The following SCEL variants were observed in gnomAD, a reference collection of about 807,000 sequenced individuals.
The protein encoded by SCEL is sciellin.
Under a neutral mutation model 117.6 loss-of-function variants are expected in SCEL, and 113 were observed. That is an observed-to-expected ratio of 0.96 (90% CI 0.83 to 1.12). SCEL has a LOEUF of 1.12. Among genes scored for constraint, SCEL ranks in the 50% most tolerant of loss-of-function variants. The pLI is 0.00. For missense variants in SCEL, 785 were observed against 810.8 expected (o/e 0.97, Z 0.39); for synonymous variants, 270 against 256.2 (o/e 1.05, Z -0.51).
chr13:77,551,550 G>A (rs2084323633), intron 1 of SCEL, among the ~76,000 whole-genome samples: 1 of 152,136 alleles, frequency 6.6e-6, no homozygotes, highest in African/African-American at 2.4e-5. Context: ...TTGGCCTGCA[G>A]ATGGCCACCT....
intron 1 of SCEL, among the ~76,000 whole-genome samples, chr13:77,542,495 C>T (rs1288938715): frequency 1.3e-5 from 2 of 152,174 alleles, no homozygotes; most frequent in Admixed American, 6.5e-5. Context: ...CTTGTTTCAC[C>T]AGCAGTAAAC....
In SCEL at chr13:77,569,441, A is replaced by G; in HGVS notation, c.469A>G (p.Lys157Glu). The part of the protein sequence containing the change: ...IASTSATTPV[K>E]KKRQSWFPPP... ...ATCCACTTCTGCTACTACTCCTGTA[A>G]AGAAGAAGAGGTAGGATGAACTCAC... The change falls in exon 8 of 33, where the codon AAG (lysine) becomes GAG (glutamate). Residue 157 changes from lysine to glutamate, a missense_variant. Coordinates refer to ENST00000349847, the MANE Select transcript of SCEL (RefSeq NM_144777.3). 6.2e-7 allele frequency: 1 copy of G among 1,612,538 alleles called. No individual in the cohort carries two copies. Among genetic ancestry groups the G allele is most frequent in the Non-Finnish European group, 8.5e-7 (1 of 1,178,590 alleles).
chr13:77,537,872 T>C (rs917628465), intron 1 of SCEL, among the ~76,000 whole-genome samples: 1 of 152,186 alleles, frequency 6.6e-6, no homozygotes, highest in Non-Finnish European at 1.5e-5. Flanking sequence ...GAGTATCTTA[T>C]ACGGTTCAGG....
intron 1 of SCEL, among the ~76,000 whole-genome samples, chr13:77,538,355 G>T (rs1466242618): frequency 6.6e-6 from 1 of 152,110 alleles, no homozygotes; most frequent in African/African-American, 2.4e-5. Context: ...GACCTCAAGT[G>T]ATGTACCCGC....
At chr13:77,603,228 AT>A in intron 18 of SCEL, 93 bp downstream of exon 18, 1 of 683,476 alleles carries the variant, frequency 1.5e-6, no homozygotes, top group Non-Finnish European at 2.4e-6. Context: ...ATCGTGTTTT[AT>A]TAGCATGGAA....
At chr13:77,599,815 C>A in intron 15 of SCEL, 67 bp downstream of exon 15, 1 of 1,134,984 alleles carries the variant, frequency 8.8e-7, no homozygotes. Context: ...CTGGAGGAGA[C>A]CTCCTGCTTA....
At chr13:77,538,115 C>CTTT (rs35197581) in intron 1 of SCEL, among the ~76,000 whole-genome samples, 7 of 128,952 alleles carry the variant, frequency 5.4e-5, no homozygotes, top group African/African-American at 1.1e-4. Flanking sequence ...AATCAAAAGT[C>CTTT]TTTTTTTTTT....
Position 77,589,198 on chromosome 13 carries a change from T to C in SCEL, c.600T>C (p.Ser200=). ...IPPKPSSPVS[S]PNQLRQDNRQ... ...CAAAGCCCAGTTCTCCTGTTTCTTC[T>C]CCTAACCAGCTGAGACAGGATAATA... The change falls in exon 10 of 33, where the codon TCT becomes TCC. Residue 200 remains serine (S), a synonymous_variant. Transcript: ENST00000349847. 6.2e-7 allele frequency: 1 copy of C among 1,612,866 alleles called. No homozygotes were observed. The highest frequency in any genetic ancestry group is 1.1e-5 in the South Asian group (1 of 91,036).
intron 1 of SCEL, among the ~76,000 whole-genome samples, chr13:77,538,930 A>G (rs2083555024): frequency 6.6e-6 from 1 of 152,218 alleles, no homozygotes; most frequent in South Asian, 2.1e-4. Flanking sequence ...ATGCAATAAA[A>G]TTATGAAATA....
At chr13:77,626,329 A>C (rs1454431013) in intron 27 of SCEL, among the ~76,000 whole-genome samples, 3 of 152,166 alleles carry the variant, frequency 2.0e-5, no homozygotes, top group Non-Finnish European at 4.4e-5. Context: ...GGATTATTAC[A>C]ATTCAAGGTG....
intron 28 of SCEL, among the ~76,000 whole-genome samples, chr13:77,631,362 G>A (rs1281381900): frequency 3.9e-5 from 6 of 152,106 alleles, no homozygotes; most frequent in Admixed American, 2.0e-4. Flanking sequence ...AAGACTTCCA[G>A]ACTATCACAG....
intron 30 of SCEL, 21 bp from the exon 31 acceptor site, chr13:77,640,655 T>C: frequency 7.3e-7 from 1 of 1,372,376 alleles, no homozygotes; most frequent in Non-Finnish European, 1.0e-6. Context: ...AATTTATTTT[T>C]AATTGCTTAC....
At position 77,555,768 on chromosome 13, in the gene SCEL, A is replaced by G. The variant is rs2084619700; in HGVS notation, c.-19-89A>G. 4.6e-6 allele frequency: 4 copies of G among 877,894 alleles called. 1 individual carries two copies. The highest frequency in any genetic ancestry group is 4.4e-4 in the Middle Eastern group (2 of 4,538). The allele number at this position is 877,894 out of a possible 1,614,324, so 54.4% of individuals were successfully genotyped here. On this transcript the variant is annotated intron_variant, in intron 1 of 32. Coordinates refer to ENST00000349847, the MANE Select transcript of SCEL (RefSeq NM_144777.3). ...CAGATCCTGTGACTATGTCACTGTC[A>G]TTGAAAAGTGAATCTCAGTCATGAA...
intron 10 of SCEL, 108 bp downstream of exon 10, chr13:77,589,332 T>G: frequency 1.9e-5 from 13 of 698,568 alleles, no homozygotes; most frequent in Non-Finnish European, 3.1e-5. Context: ...TGTGTGCACA[T>G]TCCCTAAAGA....
In SCEL at chr13:77,627,936, T is replaced by G; in HGVS notation, c.1629-11T>G. The stretch of plus-strand genomic sequence containing the variant: ...TTGTAATTATTCATATATATATATT[T>G]TTTTCCTTAGAGACCAGAACCTGGA... On this transcript the variant is annotated splice_polypyrimidine_tract_variant and intron_variant, in intron 27 of 32. Coordinates refer to ENST00000349847, the MANE Select transcript of SCEL (RefSeq NM_144777.3). The G allele has an allele frequency of 9.5e-6, 12 of 1,261,586 alleles. No individual in the cohort carries two copies. Among genetic ancestry groups the G allele is most frequent in the Non-Finnish European group, 1.3e-5 (12 of 897,932 alleles). The allele number at this position is 1,261,586 out of a possible 1,614,324, so 78.1% of individuals were successfully genotyped here.
rs184697198 is a variant in SCEL at position 77,614,644 on chromosome 13, G to A, written c.1451+689G>A. 7.2e-4 allele frequency among the ~76,000 whole-genome samples: 109 copies of A among 152,202 alleles called. 1 individual carries two copies. Among genetic ancestry groups the A allele is most frequent in the Non-Finnish European group, 1.3e-4 (9 of 67,982 alleles). On this transcript the variant is annotated intron_variant, in intron 24 of 32. Transcript: ENST00000349847. ...TACAAATTGTAAAATTTTAGAGATG[G>A]AGGGAATGAACCTTAAGATATCTTG...
intron 16 of SCEL, 110 bp from the exon 17 acceptor site, chr13:77,602,544 T>C: frequency 1.2e-6 from 1 of 846,794 alleles, no homozygotes; most frequent in Non-Finnish European, 2.0e-6. Flanking sequence ...TTTTTGGTCA[T>C]TTGGTCCTGA....
Position 77,612,881 on chromosome 13 carries a change from A to AT in SCEL, c.1338-3dup, listed in dbSNP as rs760047047. On this transcript the variant is annotated splice_polypyrimidine_tract_variant and intron_variant, in intron 22 of 32. Coordinates refer to ENST00000349847, the MANE Select transcript of SCEL (RefSeq NM_144777.3). ...GTTGACTTAGCTATTGAAACTTAAC[A>AT]TTTTTTTAGGAACCAAGACTTGGAA... 4.6e-5 allele frequency: 70 copies of AT among 1,522,322 alleles called. No homozygotes were observed. The Admixed American group carries it at 7.9e-4, about 17-fold the overall frequency. 94.3% of individuals were successfully genotyped at this position (1,522,322 alleles called of 1,614,324 possible).
chr13:77,593,782 G>A (rs1310716510), intron 12 of SCEL, among the ~76,000 whole-genome samples: 1 of 152,150 alleles, frequency 6.6e-6, no homozygotes, highest in South Asian at 2.1e-4. Context: ...CAACTCTGCT[G>A]CTTTTTCTGG....
Sources: gnomAD v4.1 joint callset for allele counts (sites outside exome capture counted in the v4.1 genomes callset) on GRCh38, gnomAD v4.1.1 for gene constraint, MANE v1.5 for transcripts, NCBI Gene and HGNC (gene_info 2026-07-23, HGNC 2026-07-21) for gene names.